The following ATP5F1C variants were observed in gnomAD, a reference collection of about 807,000 sequenced individuals.
ATP5F1C encodes ATP synthase F1 subunit gamma.
Under a neutral mutation model 37.4 loss-of-function variants are expected in ATP5F1C, and 22 were observed. The observed-to-expected ratio is 0.59, with a 90% CI of 0.42 to 0.84. The LOEUF is 0.84. Among genes scored for constraint, ATP5F1C ranks in the 40% least tolerant of loss-of-function variants. The pLI, the probability that ATP5F1C is intolerant of heterozygous loss-of-function variation, is 0.00. For synonymous variants in ATP5F1C, 121 were observed against 128.0 expected (o/e 0.95, Z 0.37); for missense variants, 286 against 362.4 (o/e 0.79, Z 1.71).
chr10:7,802,277 G>T lies in ATP5F1C; in HGVS notation c.645G>T (p.Met215Ile). Residue 215 changes from methionine (M) to isoleucine (I), a missense_variant, in exon 7 of 10, where the codon ATG becomes ATT. Transcript: ENST00000356708. The stretch of plus-strand genomic sequence containing the variant: ...CATCACTTGTTTTAACAGACAGCAT[G>T]AGTATCTATGACGATATTGATGCTG... ...SLNTVASADS[M>I]SIYDDIDADV... The T allele has an allele frequency of 6.2e-7, 1 of 1,608,450 alleles. No homozygotes were observed. The highest frequency in any genetic ancestry group is 1.1e-5 in the South Asian group (1 of 89,920).
chr10:7,797,877 A>G (rs371705609), intron 3 of ATP5F1C, among the ~76,000 whole-genome samples: 31 of 152,334 alleles, frequency 2.0e-4, no homozygotes, highest in African/African-American at 7.5e-4. Flanking sequence ...TGGAAAAGAG[A>G]TGAGATATGA....
At chr10:7,799,423 G>A in intron 4 of ATP5F1C, 1 of 565,960 alleles carries the variant, frequency 1.8e-6, no homozygotes, top group Admixed American at 3.1e-5. Flanking sequence ...TCTTCATCCG[G>A]ATCATAAGTT....
intron 8 of ATP5F1C, among the ~76,000 whole-genome samples, chr10:7,804,552 A>T (rs1836436844): frequency 1.3e-5 from 2 of 152,176 alleles, no homozygotes; most frequent in Non-Finnish European, 2.9e-5. Flanking sequence ...AGCTGGGGGA[A>T]TCCTTTCTTC....
chr10:7,803,274 C>G (rs528448490), intron 8 of ATP5F1C, among the ~76,000 whole-genome samples: 3 of 149,858 alleles, frequency 2.0e-5, no homozygotes, highest in East Asian at 2.0e-4. Context: ...ATTATGTTTT[C>G]TATATCAGTA....
chr10:7,793,402 G>A (rs1836192478), intron 1 of ATP5F1C, among the ~76,000 whole-genome samples: 2 of 152,214 alleles, frequency 1.3e-5, no homozygotes, highest in African/African-American at 4.8e-5. Flanking sequence ...GTGAGCCACC[G>A]CACCTGGCCC....
At chr10:7,802,229 T>A (rs1422863552) in intron 6 of ATP5F1C, 41 bp from the exon 7 acceptor site, 11 of 1,559,662 alleles carry the variant, frequency 7.1e-6, no homozygotes, top group Non-Finnish European at 9.5e-6. Context: ...TTACTATTCC[T>A]TCCATATAAC....
rs758765738 is a variant in ATP5F1C at position 7,796,084 on chromosome 10, C to A, written c.57-37C>A. ...TTTCTTGTATAATGGAACTATTTTT[C>A]AAAAAACTGAAACATTTTTAAAACT... On this transcript the variant is annotated intron_variant, in intron 1 of 9. Coordinates refer to ENST00000356708, the MANE Select transcript of ATP5F1C (RefSeq NM_001001973.3). 1.7e-5 allele frequency: 26 copies of A among 1,547,380 alleles called. No individual in the cohort carries two copies. In the South Asian group the frequency reaches 2.9e-4, roughly 17 times the overall value.
chr10:7,799,699 C>G, intron 4 of ATP5F1C, 73 bp from the exon 5 acceptor site: 1 of 1,551,094 alleles, frequency 6.4e-7, no homozygotes, highest in South Asian at 1.2e-5. Flanking sequence ...AATGTTTTCT[C>G]CTGCCTGTCC....
intron 8 of ATP5F1C, 142 bp downstream of exon 8, chr10:7,802,996 T>C: frequency 1.6e-6 from 1 of 617,884 alleles, no homozygotes; most frequent in South Asian, 2.3e-5. Flanking sequence ...TCTTAGGCTA[T>C]AAAGATGTGG....
intron 1 of ATP5F1C, among the ~76,000 whole-genome samples, chr10:7,792,774 G>T (rs1256449398): frequency 1.3e-5 from 2 of 152,200 alleles, no homozygotes; most frequent in African/African-American, 4.8e-5. Context: ...CATCTGGGTT[G>T]CTTCCAACTT....
chr10:7,791,574 G>A (rs1830095711), intron 1 of ATP5F1C, among the ~76,000 whole-genome samples: 1 of 152,154 alleles, frequency 6.6e-6, no homozygotes, highest in Admixed American at 6.5e-5. Context: ...TTATAACAGC[G>A]CTGTGGAATC....
rs1836255263 is a variant in ATP5F1C, at chr10:7,797,139, G to C, written c.184G>C (p.Glu62Gln). 1 of 1,614,142 alleles carries C rather than the reference G, an allele frequency of 6.2e-7. No homozygotes were observed. Among genetic ancestry groups the C allele is most frequent in the East Asian group, 2.2e-5 (1 of 44,876 alleles). The change falls in exon 3 of 10, where the codon GAG becomes CAG. Residue 62 changes from glutamate (E) to glutamine (Q), a missense_variant. Transcript: ENST00000356708. Reference protein sequence around the residue: ...AAAKYARAERELKPARIYGLG... With the variant: ...AAAKYARAERQLKPARIYGLG... ...AGCAAAATATGCCCGAGCTGAGAGA[G>C]AGCTGAAACCAGCTCGAATATATGG...
intron 6 of ATP5F1C, among the ~76,000 whole-genome samples, chr10:7,801,993 A>T (rs928605005): frequency 1.3e-5 from 2 of 152,200 alleles, no homozygotes; most frequent in African/African-American, 2.4e-5. Flanking sequence ...TAACCACGAG[A>T]TATAGTGCAG....
chr10:7,788,361 G>A (rs2131048214), intron 1 of ATP5F1C, 98 bp downstream of exon 1: 4 of 1,491,630 alleles, frequency 2.7e-6, no homozygotes, highest in Non-Finnish European at 3.6e-6. Flanking sequence ...CAGATGTGGG[G>A]TCGCAGGGCC....
rs976618957 is a variant in ATP5F1C, at chr10:7,796,716, C to G, written c.92-331C>G. Reference sequence around the variant, plus strand: ...TCTCCTGCCTCAGCCTCCCGAGTAGCTGGGACTACAGGCGCCCGCCACCAC... The same window carrying G: ...TCTCCTGCCTCAGCCTCCCGAGTAGGTGGGACTACAGGCGCCCGCCACCAC... On this transcript the variant is annotated intron_variant, in intron 2 of 9. Coordinates refer to ENST00000356708, the MANE Select transcript of ATP5F1C (RefSeq NM_001001973.3). The G allele has an allele frequency of 3.0e-5, 5 of 168,274 alleles. No individual in the cohort carries two copies. The South Asian group carries it at 7.8e-4, about 26-fold the overall frequency. The allele number at this position is 168,274 out of a possible 1,614,324, so 10.4% of individuals were successfully genotyped here. A position where few individuals can be genotyped will look rare whatever the true frequency, so the allele number is the denominator to read the frequency against.
At chr10:7,797,811 TGAA>T in intron 3 of ATP5F1C, among the ~76,000 whole-genome samples, 1 of 152,334 alleles carries the variant, frequency 6.6e-6, no homozygotes, top group African/African-American at 2.4e-5. Flanking sequence ...TTCAAAAGCA[TGAA>T]GACATTTTTC....
Position 7,802,275 on chromosome 10 carries a change from A to T in ATP5F1C, c.643A>T (p.Met215Leu). 2 of 1,608,174 alleles carry T rather than the reference A, an allele frequency of 1.2e-6. No individual in the cohort carries two copies. The highest frequency in any genetic ancestry group is 1.7e-6 in the Non-Finnish European group (2 of 1,177,862). ...SLNTVASADSMSIYDDIDADV... is the reference protein window; with the variant it reads ...SLNTVASADSLSIYDDIDADV... ...CTCATCACTTGTTTTAACAGACAGC[A>T]TGAGTATCTATGACGATATTGATGC... The change falls in exon 7 of 10, where the codon ATG becomes TTG. Residue 215 changes from methionine to leucine, a missense_variant. Transcript: ENST00000356708.
Position 7,805,030 on chromosome 10 carries a change from CTCTTA to C in ATP5F1C, c.891-1942_891-1938del, listed in dbSNP as rs759773911. Among the ~76,000 whole-genome samples, 95 of 152,338 alleles carry C rather than the reference CTCTTA, an allele frequency of 6.2e-4. 2 individuals are homozygous for C. The highest frequency in any genetic ancestry group is 9.6e-4 in the Non-Finnish European group (65 of 68,034). Reference sequence around the variant, plus strand: ...CAGCCTCGCTATCCTAAGCATTCTTCTCTTATTTTACTTTCTAAGCACAGCTGTGT... The same window carrying C: ...CAGCCTCGCTATCCTAAGCATTCTTCTTTTACTTTCTAAGCACAGCTGTGT... On this transcript the variant is annotated intron_variant, in intron 8 of 9. Transcript: ENST00000356708.
Position 7,803,026 on chromosome 10 carries a change from CTTTATT to C in ATP5F1C, c.890+179_890+184del, listed in dbSNP as rs573831493. ...ATGTGGTAAAAATGGGACCTCTTTG[CTTTATT>C]TTTATTGTTTCAGCTGGAAACACTC... is the stretch of plus-strand genomic sequence containing the variant. On this transcript the variant is annotated intron_variant, in intron 8 of 9. Transcript: ENST00000356708. Among the ~76,000 whole-genome samples, 61 of 152,124 alleles carry C rather than the reference CTTTATT, an allele frequency of 4.0e-4. No individual in the cohort carries two copies. The East Asian group carries it at 8.3e-3, about 21-fold the overall frequency.
Sources: allele counts gnomAD v4.1 joint callset (sites outside exome capture counted in the v4.1 genomes callset), GRCh38; gene constraint gnomAD v4.1.1; transcripts MANE v1.5; gene names NCBI Gene and HGNC (gene_info 2026-07-23, HGNC 2026-07-21).